The following EXD1 variants were observed in gnomAD, a reference collection of about 807,000 sequenced individuals.
The protein encoded by EXD1 is exonuclease 3'-5' domain containing 1.
EXD1 carries 63 observed loss-of-function variants against 49.1 expected under a neutral mutation model. The ratio of observed to expected loss-of-function variants is 1.28; its 90% CI spans 1.05 to 1.58. The LOEUF (loss-of-function observed/expected upper bound fraction) is 1.58. Ranked by LOEUF, EXD1 falls within the 40% of genes most tolerant of loss-of-function variation. The probability of loss-of-function intolerance (pLI) is 0.00; values close to 1 mark genes in which losing one functional copy is unlikely to be tolerated. For synonymous variants in EXD1, 234 were observed against 239.2 expected (o/e 0.98, Z 0.20); for missense variants, 748 against 666.0 (o/e 1.12, Z -1.36).
chr15:41,208,007 C>G (rs1431958759), intron 7 of EXD1, among the ~76,000 whole-genome samples: 1 of 142,162 alleles, frequency 7.0e-6, no homozygotes, highest in Non-Finnish European at 1.5e-5. Context: ...CGAGACCCTG[C>G]CTCAAAAAAA....
intron 9 of EXD1, 127 bp from the exon 10 acceptor site, chr15:41,191,712 A>G: frequency 3.6e-6 from 3 of 844,754 alleles, no homozygotes; most frequent in Non-Finnish European, 5.2e-6. Flanking sequence ...AGACCATGTC[A>G]TCGGAAAATT....
At chr15:41,220,575 C>A (rs529458623) in intron 2 of EXD1, among the ~76,000 whole-genome samples, 3 of 152,052 alleles carry the variant, frequency 2.0e-5, no homozygotes, top group African/African-American at 7.2e-5. Context: ...CCCACAACTT[C>A]TAGTGTCCAC....
intron 7 of EXD1, among the ~76,000 whole-genome samples, chr15:41,200,148 G>C (rs1464919955): frequency 6.6e-6 from 1 of 151,918 alleles, no homozygotes. Flanking sequence ...GAGCTCAAGT[G>C]ATCCGCCTGC....
At chr15:41,214,991 C>T (rs1419910260) in intron 6 of EXD1, among the ~76,000 whole-genome samples, 2 of 152,068 alleles carry the variant, frequency 1.3e-5, no homozygotes, top group Admixed American at 6.6e-5. Flanking sequence ...GTGATCCACC[C>T]GCCTCAGCCT....
chr15:41,216,358 A>G (rs1260414958), intron 5 of EXD1, among the ~76,000 whole-genome samples: 1 of 151,712 alleles, frequency 6.6e-6, no homozygotes, highest in Non-Finnish European at 1.5e-5. Flanking sequence ...TCGGCTGGGC[A>G]CAGTGGCTCA....
Position 41,184,343 on chromosome 15 carries a change from T to C in EXD1, c.1307A>G (p.Asn436Ser). ...ATTCAAAGATTCTTCTTTCAGTAAA[T>C]TCACATCCCCGTGAAAGTCTTGAGA... ...FTSQDFHGDV[N>S]LLKEESLNKQ... The change falls in exon 12 of 12, where the codon AAT (asparagine) becomes AGT (serine). Residue 436 changes from asparagine to serine, a missense_variant. By Grantham distance (46) the Asn-to-Ser change is conservative (BLOSUM62 1). Transcript: ENST00000458580. The C allele has an allele frequency of 6.2e-7, 1 of 1,614,204 alleles. No individual in the cohort carries two copies. The highest frequency in any genetic ancestry group is 8.5e-7 in the Non-Finnish European group (1 of 1,180,038).
Position 41,215,846 on chromosome 15 carries a change from G to T in EXD1, c.389-13C>A, listed in dbSNP as rs770041221. Reference sequence around the variant, plus strand: ...ACCTCCTCTTCCTCTACAAGACAAGGATTGCATTAGATATATTTCTCTTCC... The same window carrying T: ...ACCTCCTCTTCCTCTACAAGACAAGTATTGCATTAGATATATTTCTCTTCC... On this transcript the variant is annotated splice_polypyrimidine_tract_variant and intron_variant, in intron 5 of 11. Transcript: ENST00000458580. 3.1e-6 allele frequency: 5 copies of T among 1,611,884 alleles called. No homozygotes were observed. Among genetic ancestry groups the T allele is most frequent in the Non-Finnish European group, 4.2e-6 (5 of 1,178,302 alleles).
rs202210711 is a variant in EXD1 at position 41,195,809 on chromosome 15, T to C, written c.686A>G (p.Tyr229Cys). 54 of 1,613,714 alleles carry C rather than the reference T, an allele frequency of 3.3e-5. No homozygotes were observed. Among genetic ancestry groups the C allele is most frequent in the East Asian group, 1.8e-4 (8 of 44,860 alleles). ...RWLSDCLSHQ[Y>C]GILLNNVFDT... ...AAAGACATTATTCAGCAAAATTCCA[T>C]ACTGATGAGAGAGGCAATCAGAAAG... is the stretch of plus-strand genomic sequence containing the variant. Residue 229 changes from tyrosine (Y) to cysteine (C), a missense_variant, in exon 9 of 12, where the codon TAT becomes TGT. Physicochemically the swap from Tyr to Cys is radical, Grantham distance 194 (BLOSUM62 -2). Coordinates refer to ENST00000458580, the MANE Select transcript of EXD1 (RefSeq NM_001286441.2).
chr15:41,199,764 A>ATGTGATATATAATATATCGCATATG (rs1269494361), intron 7 of EXD1, among the ~76,000 whole-genome samples: 1 of 21,168 alleles, frequency 4.7e-5, no homozygotes, highest in African/African-American at 1.4e-4. Flanking sequence ...TGATACATAT[A>ATGTGATATATAATATATCGCATATG]TGATATATAT....
At chr15:41,213,853 G>A (rs2046959222) in intron 6 of EXD1, among the ~76,000 whole-genome samples, 3 of 152,162 alleles carry the variant, frequency 2.0e-5, no homozygotes, top group East Asian at 1.9e-4. Flanking sequence ...AAAAGAAAAT[G>A]AGCTGTACAT....
rs111529472 is a variant in EXD1, at chr15:41,190,107, T to C, written c.886A>G (p.Ile296Val). ...AGTAAAGAGGGTGAAACAGGTCGGA[T>C]GAACCATACTTCTGGATTTTCCTGG... ...LIQENPEVWF[I>V]RPVSPSLLKI... The change falls in exon 11 of 12, where the codon ATC becomes GTC. Residue 296 changes from isoleucine to valine, a missense_variant. Transcript: ENST00000458580. 8.1e-6 allele frequency: 13 copies of C among 1,614,162 alleles called. No individual in the cohort carries two copies. In the African/African-American group the frequency reaches 9.3e-5, roughly 12 times the overall value.
Position 41,230,617 on chromosome 15 carries a change from G to A in EXD1, c.-192C>T, listed in dbSNP as rs2140915552. The A allele has an allele frequency of 6.6e-7, 1 of 1,517,976 alleles. No individual in the cohort carries two copies. The highest frequency in any genetic ancestry group is 9.1e-7 in the Non-Finnish European group (1 of 1,101,738). The allele number at this position is 1,517,976 out of a possible 1,614,324, so 94.0% of individuals were successfully genotyped here. A position where few individuals can be genotyped will look rare whatever the true frequency, so the allele number is the denominator to read the frequency against. On this transcript the variant is annotated 5_prime_UTR_variant, in exon 1 of 12. Coordinates refer to ENST00000458580, the MANE Select transcript of EXD1 (RefSeq NM_001286441.2). Reference sequence around the variant, plus strand: ...GAACTAAAAGAAGAGGGGCTGCAATGAAGGAAGAAGTCTCGGGACGCTCCA... The same window carrying A: ...GAACTAAAAGAAGAGGGGCTGCAATAAAGGAAGAAGTCTCGGGACGCTCCA...
At chr15:41,196,062 A>C in intron 7 of EXD1, 25 bp from the exon 8 acceptor site, 2 of 1,541,912 alleles carry the variant, frequency 1.3e-6, no homozygotes, top group South Asian at 2.4e-5. Flanking sequence ...CCAGACACAC[A>C]TACCATAGGA....
chr15:41,185,640 C>T (rs543680437), intron 11 of EXD1, among the ~76,000 whole-genome samples: 4 of 152,008 alleles, frequency 2.6e-5, no homozygotes, highest in Non-Finnish European at 2.9e-5. Flanking sequence ...CAGCCTCCCC[C>T]ACTCAGAGGA....
chr15:41,229,348 C>T (rs1339672262), intron 1 of EXD1, among the ~76,000 whole-genome samples: 1 of 152,034 alleles, frequency 6.6e-6, no homozygotes, highest in African/African-American at 2.4e-5. Flanking sequence ...CGTGGTGGCA[C>T]GCGCCTGTAA....
intron 3 of EXD1, among the ~76,000 whole-genome samples, chr15:41,218,380 G>T (rs1287719461): frequency 1.3e-5 from 2 of 151,810 alleles, no homozygotes; most frequent in South Asian, 4.2e-4. Flanking sequence ...CCAGCTCCTG[G>T]GGAGGATGAT....
rs569138799 is a variant in EXD1, at chr15:41,183,466, A to T, written c.*465T>A. 115 of 152,848 alleles carry T rather than the reference A, an allele frequency of 7.5e-4. 1 individual carries two copies. The highest frequency in any genetic ancestry group is 5.7e-4 in the Non-Finnish European group (39 of 68,488). The allele number at this position is 152,848 out of a possible 1,614,324, so 9.5% of individuals were successfully genotyped here. A position where few individuals can be genotyped will look rare whatever the true frequency, so the allele number is the denominator to read the frequency against. On this transcript the variant is annotated 3_prime_UTR_variant, in exon 12 of 12. Transcript: ENST00000458580. ...CCTGCTCCACAAGGAGCGGTAAAAA[A>T]AAATAAATAAAACAAATAAATAAAA...
At chr15:41,212,750 AT>A (rs2046940300) in intron 6 of EXD1, among the ~76,000 whole-genome samples, 1 of 152,158 alleles carries the variant, frequency 6.6e-6, no homozygotes, top group East Asian at 1.9e-4. Context: ...ATAGAATATG[AT>A]TTGGTGGCTG....
intron 9 of EXD1, among the ~76,000 whole-genome samples, chr15:41,192,843 G>T (rs1406403804): frequency 9.5e-5 from 14 of 146,924 alleles, no homozygotes; most frequent in Admixed American, 2.7e-4. Context: ...TCGCCCAGGC[G>T]GGAGTGCTGT....
Sources: gnomAD v4.1 joint callset for allele counts (sites outside exome capture counted in the v4.1 genomes callset) on GRCh38, gnomAD v4.1.1 for gene constraint, MANE v1.5 for transcripts, NCBI Gene and HGNC (gene_info 2026-07-23, HGNC 2026-07-21) for gene names.